KCNAB1: variants seen among roughly 807,000 people sequenced by gnomAD.
KCNAB1 encodes the protein potassium voltage-gated channel subfamily A regulatory beta subunit 1.
In KCNAB1, 35 loss-of-function variants were observed where a neutral mutation model predicts 64.6. The observed-to-expected ratio is 0.54, with a 90% CI of 0.41 to 0.72. The LOEUF (loss-of-function observed/expected upper bound fraction) is 0.72, where lower values mean the gene tolerates loss of function less well. KCNAB1 is among the 30% of genes least tolerant of loss of function. The pLI, the probability that KCNAB1 is intolerant of heterozygous loss-of-function variation, is 0.00. For missense variants in KCNAB1, 401 were observed against 512.9 expected (o/e 0.78, Z 2.11); for synonymous variants, 177 against 183.8 (o/e 0.96, Z 0.30).
chr3:156,422,216 C>T (rs868419560), intron 2 of KCNAB1, among the ~76,000 whole-genome samples: 6 of 152,130 alleles, frequency 3.9e-5, no homozygotes, highest in Non-Finnish European at 5.9e-5. Context: ...ATAGAGATGG[C>T]AATTCTAACA....
chr3:156,389,520 G>C (rs1195114383), intron 1 of KCNAB1, among the ~76,000 whole-genome samples: 2 of 152,140 alleles, frequency 1.3e-5, no homozygotes, highest in East Asian at 3.9e-4. Context: ...TCTGTTTATG[G>C]CAGTGATTCT....
At chr3:156,291,562 T>C in intron 1 of KCNAB1, 1 of 1,191,784 alleles carries the variant, frequency 8.4e-7, no homozygotes, top group Non-Finnish European at 1.1e-6. Flanking sequence ...AGCTCTAGGC[T>C]TCTGTAAAAA....
chr3:156,307,398 C>G (rs1054246071), intron 1 of KCNAB1, among the ~76,000 whole-genome samples: 7 of 150,910 alleles, frequency 4.6e-5, no homozygotes, highest in African/African-American at 1.7e-4. Context: ...TCTACCTCCA[C>G]AAGAAAAGAA....
rs894897433 is a variant in KCNAB1 at position 156,452,644 on chromosome 3, T to C, written c.320-255T>C. Among the ~76,000 whole-genome samples the C allele has an allele frequency of 3.9e-5, 6 of 152,162 alleles. No individual in the cohort carries two copies. The highest frequency in any genetic ancestry group is 1.2e-4 in the African/African-American group (5 of 41,430). On this transcript the variant is annotated intron_variant, in intron 2 of 13. Coordinates refer to ENST00000490337, the MANE Select transcript of KCNAB1 (RefSeq NM_172160.3). This position sits in a 1 kb window ranked among gnomAD's most constrained non-coding sequence, Gnocchi z 4.6. ...GCATCTTCTAGGACAGGGCTTCCAATAGTATGTACAGTGGCTTTCAGTAAA... is the reference window on the plus strand; with the variant it reads ...GCATCTTCTAGGACAGGGCTTCCAACAGTATGTACAGTGGCTTTCAGTAAA...
At chr3:156,211,367 G>A (rs563898537) in intron 1 of KCNAB1, among the ~76,000 whole-genome samples, 2 of 152,308 alleles carry the variant, frequency 1.3e-5, no homozygotes, top group African/African-American at 2.4e-5. Context: ...GTTAATATTT[G>A]TAATATGCAA....
chr3:156,528,187 A>AAG (rs71624596), intron 12 of KCNAB1, among the ~76,000 whole-genome samples: 7 of 151,260 alleles, frequency 4.6e-5, no homozygotes, highest in African/African-American at 4.8e-5. Flanking sequence ...AAAAAAAAAA[A>AAG]AGAGAGAGAA....
At chr3:156,484,870 G>A (rs1385516497) in intron 8 of KCNAB1, among the ~76,000 whole-genome samples, 2 of 151,954 alleles carry the variant, frequency 1.3e-5, no homozygotes, top group Non-Finnish European at 2.9e-5. Flanking sequence ...AAAAAAATAT[G>A]AGGTCTGCAA....
At chr3:156,201,576 C>T (rs1714332026) in intron 1 of KCNAB1, among the ~76,000 whole-genome samples, 1 of 152,214 alleles carries the variant, frequency 6.6e-6, no homozygotes, top group African/African-American at 2.4e-5. Flanking sequence ...AGTGTCAGCG[C>T]AGGGGCGGGG....
In KCNAB1 at chr3:156,141,292, C is replaced by T. The variant is rs150516303; in HGVS notation, c.275+20406C>T. Among the ~76,000 whole-genome samples, 199 of 152,198 alleles carry T rather than the reference C, an allele frequency of 1.3e-3. 1 individual carries two copies. The highest frequency in any genetic ancestry group is 0.01 in the Middle Eastern group (3 of 294). ...TTTTTGAGTAATTTATATTTAGTTC[C>T]ATGCAGTTTGGTTACATGTATTGAT... On this transcript the variant is annotated intron_variant, in intron 1 of 13. Transcript: ENST00000490337.
At chr3:156,516,507 A>G in intron 11 of KCNAB1, 143 bp downstream of exon 11, 2 of 650,130 alleles carry the variant, frequency 3.1e-6, no homozygotes, top group African/African-American at 1.8e-5. Flanking sequence ...AGGTTCCCCT[A>G]AGCCTTCTGG....
At chr3:156,118,349 T>C, upstream of KCNAB1, 1 of 455,124 alleles carries the variant, frequency 2.2e-6, no homozygotes, top group South Asian at 1.6e-5. Context: ...GGTAATCAGG[T>C]TCCTTACAGA....
At chr3:156,168,259 A>G (rs1711733317) in intron 1 of KCNAB1, among the ~76,000 whole-genome samples, 1 of 151,768 alleles carries the variant, frequency 6.6e-6, no homozygotes, top group South Asian at 2.1e-4. Flanking sequence ...CATGTTCTCT[A>G]TTAGCTATAC....
intron 1 of KCNAB1, among the ~76,000 whole-genome samples, chr3:156,419,433 G>A (rs998030617): frequency 1.1e-4 from 16 of 151,504 alleles, no homozygotes; most frequent in East Asian, 7.8e-4. Context: ...CCCGGGAGGC[G>A]GAGCTTGCAG....
At chr3:156,439,773 A>G (rs1469780688) in intron 2 of KCNAB1, among the ~76,000 whole-genome samples, 1 of 152,210 alleles carries the variant, frequency 6.6e-6, no homozygotes, top group Non-Finnish European at 1.5e-5. Context: ...CCCTGGTGCC[A>G]GCAGGAAGAG....
intron 2 of KCNAB1, among the ~76,000 whole-genome samples, chr3:156,439,224 A>ATTTTTTTTTTTTTTTTTTTT (rs56259743): frequency 8.7e-6 from 1 of 115,120 alleles, no homozygotes; most frequent in African/African-American, 3.3e-5. Context: ...CATCATTGTG[A>ATTTTTTTTTTTTTTTTTTTT]TTTTTTTTTT....
intron 8 of KCNAB1, among the ~76,000 whole-genome samples, chr3:156,484,106 A>G (rs1715029516): frequency 6.6e-6 from 1 of 152,120 alleles, no homozygotes. Context: ...GGATATGCTT[A>G]TATGCTATGC....
At chr3:156,223,298 G>A (rs577636185) in intron 1 of KCNAB1, among the ~76,000 whole-genome samples, 2 of 152,350 alleles carry the variant, frequency 1.3e-5, no homozygotes, top group African/African-American at 4.8e-5. Context: ...CAGTGTGGAA[G>A]GGGACCCAAG....
At chr3:156,370,923 T>C (rs1422018744) in intron 1 of KCNAB1, among the ~76,000 whole-genome samples, 1 of 152,220 alleles carries the variant, frequency 6.6e-6, no homozygotes, top group Non-Finnish European at 1.5e-5. Flanking sequence ...GTGAACATCA[T>C]GCAGTTCATA....
At chr3:156,294,848 A>G (rs973357732) in intron 1 of KCNAB1, among the ~76,000 whole-genome samples, 3 of 152,204 alleles carry the variant, frequency 2.0e-5, no homozygotes, top group Non-Finnish European at 4.4e-5. Flanking sequence ...GAAAGGGTTT[A>G]TAGCTTTCAC....
Sources: allele counts gnomAD v4.1 joint callset (sites outside exome capture counted in the v4.1 genomes callset), GRCh38; gene constraint gnomAD v4.1.1; non-coding constraint Gnocchi (gnomAD v3.1); transcripts MANE v1.5; gene names NCBI Gene and HGNC (gene_info 2026-07-23, HGNC 2026-07-21).